The following DPF3 variants were observed in gnomAD, a reference collection of about 807,000 sequenced individuals.
The protein encoded by DPF3 is double PHD fingers 3, also known as zinc finger protein DPF3.
In DPF3, 18 loss-of-function variants were observed where a neutral mutation model predicts 56.8. The observed-to-expected ratio is 0.32, with a 90% CI of 0.22 to 0.47. The LOEUF is 0.47. DPF3 is among the 20% of genes least tolerant of loss of function. The pLI is 1.00. For synonymous variants in DPF3, 188 were observed against 180.2 expected, an observed-to-expected ratio of 1.04 and a Z score of -0.35; for missense variants, 403 against 488.8, an observed-to-expected ratio of 0.82 and a Z score of 1.65.
At chr14:72,790,190 C>T (rs1413343643) in intron 1 of DPF3, among the ~76,000 whole-genome samples, 1 of 152,026 alleles carries the variant, frequency 6.6e-6, no homozygotes, top group African/African-American at 2.4e-5. Context: ...AACTCGAGAC[C>T]AGCCTGGTCA....
rs369816936 is a variant in DPF3, at chr14:72,714,495, C to T, written c.532G>A (p.Gly178Ser). 1.1e-5 allele frequency: 18 copies of T among 1,613,624 alleles called. No individual in the cohort carries two copies. The highest frequency in any genetic ancestry group is 5.5e-5 in the South Asian group (5 of 91,076). Residue 178 changes from glycine (G) to serine (S), a missense_variant, in exon 6 of 11, where the codon GGC becomes AGC. This residue lies in a region of DPF3 where 340 missense variants were observed against 374.3 expected (regional missense o/e 0.91). Transcript: ENST00000556509. ...RKNRTRGRAR[G>S]SAGGRRRHDA... ...TGCCTCCTCCTGCCCCCTGCAGAGC[C>T]GCGAGCCTGGGGAGACATTGGGGTA... is the stretch of plus-strand genomic sequence containing the variant.
At chr14:72,637,163 G>A (rs535321554) in intron 8 of DPF3, among the ~76,000 whole-genome samples, 25 of 152,286 alleles carry the variant, frequency 1.6e-4, no homozygotes, top group Admixed American at 5.9e-4. Flanking sequence ...GGCTCATGGC[G>A]CCATTCTCAA....
chr14:72,856,453 G>A (rs1885172830), intron 1 of DPF3, among the ~76,000 whole-genome samples: 1 of 152,094 alleles, frequency 6.6e-6, no homozygotes, highest in Non-Finnish European at 1.5e-5. Flanking sequence ...TGGGGTGCTG[G>A]TACTTCTGGA....
chr14:72,616,488 T>C lies in DPF3; in HGVS notation c.*2809A>G, dbSNP rs1439777352. ...ACAAGGGAGATTTGAAGAAGACGTC[T>C]AACATTGGCTAATGCACACAAGAAG... On this transcript the variant is annotated 3_prime_UTR_variant, in exon 11 of 11. Coordinates refer to ENST00000556509, the MANE Select transcript of DPF3 (RefSeq NM_001280542.3). 1.3e-5 allele frequency among the ~76,000 whole-genome samples: 2 copies of C among 152,160 alleles called. No individual in the cohort carries two copies. Among genetic ancestry groups the C allele is most frequent in the Non-Finnish European group, 2.9e-5 (2 of 68,030 alleles).
At chr14:72,734,183 T>A (rs1889792618) in intron 3 of DPF3, among the ~76,000 whole-genome samples, 1 of 152,194 alleles carries the variant, frequency 6.6e-6, no homozygotes, top group South Asian at 2.1e-4. Flanking sequence ...AGATAGTAAA[T>A]GCAAAATACA....
chr14:72,884,197 T>C (rs771329048), intron 1 of DPF3, among the ~76,000 whole-genome samples: 8 of 152,156 alleles, frequency 5.3e-5, no homozygotes, highest in South Asian at 2.1e-4. Context: ...TGACCGGAAA[T>C]GAAATGAGGG....
chr14:72,728,415 C>A (rs1273575226), intron 4 of DPF3, among the ~76,000 whole-genome samples: 2 of 151,950 alleles, frequency 1.3e-5, no homozygotes, highest in Non-Finnish European at 2.9e-5. Flanking sequence ...GGACCAATGG[C>A]ATGGAGGGAA....
chr14:72,736,656 G>A (rs1323811365), intron 3 of DPF3, among the ~76,000 whole-genome samples: 2 of 152,046 alleles, frequency 1.3e-5, no homozygotes, highest in African/African-American at 2.4e-5. Context: ...AAAGGTAACA[G>A]GTCCAAGCCC....
At chr14:72,641,324 T>C (rs1233590234) in intron 8 of DPF3, among the ~76,000 whole-genome samples, 1 of 152,218 alleles carries the variant, frequency 6.6e-6, no homozygotes, top group East Asian at 1.9e-4. Context: ...TGCACAATGA[T>C]CTCAGGAACA....
At chr14:72,651,030 G>A (rs1885893056) in intron 8 of DPF3, among the ~76,000 whole-genome samples, 2 of 152,206 alleles carry the variant, frequency 1.3e-5, no homozygotes, top group Non-Finnish European at 2.9e-5. Flanking sequence ...GTGAATCTTG[G>A]AGACCACCAA....
intron 1 of DPF3, among the ~76,000 whole-genome samples, chr14:72,824,933 G>A (rs1371910461): frequency 6.6e-6 from 1 of 151,884 alleles, no homozygotes; most frequent in African/African-American, 2.4e-5. Context: ...TGTTGCCCAG[G>A]TTGGAGTGCA....
chr14:72,731,680 A>C, intron 4 of DPF3, 127 bp downstream of exon 4: 1 of 1,333,962 alleles, frequency 7.5e-7, no homozygotes, highest in South Asian at 1.5e-5. Flanking sequence ...CCACCATAGA[A>C]ACAAGGCAGT....
intron 1 of DPF3, among the ~76,000 whole-genome samples, chr14:72,791,725 C>T (rs146874157): frequency 2.1e-3 from 319 of 152,274 alleles, no homozygotes; most frequent in Middle Eastern, 3.4e-3. Context: ...TGTTAAAAGA[C>T]GAGAAAAACA....
intron 1 of DPF3, among the ~76,000 whole-genome samples, chr14:72,888,859 T>A (rs1886647420): frequency 6.6e-6 from 1 of 152,240 alleles, no homozygotes; most frequent in African/African-American, 2.4e-5. Flanking sequence ...GTTGGGATAA[T>A]AAACAGGCCT....
rs750105629 is a variant in DPF3 at position 72,773,899 on chromosome 14, T to G, written c.33-2006A>C. ...GCATATACCACATTTTGCTTATCCA[T>G]TCATCTGTCAGTGGATATCTGGGTT... On this transcript the variant is annotated intron_variant, in intron 1 of 10. Coordinates refer to ENST00000556509, the MANE Select transcript of DPF3 (RefSeq NM_001280542.3). 4 of 455,688 alleles carry G rather than the reference T, an allele frequency of 8.8e-6. 1 individual carries two copies. Among genetic ancestry groups the G allele is most frequent in the South Asian group, 6.2e-5 (4 of 64,494 alleles). 28.2% of individuals were successfully genotyped at this position (455,688 alleles called of 1,614,324 possible). A position where few individuals can be genotyped will look rare whatever the true frequency, so the allele number is the denominator to read the frequency against.
At chr14:72,681,567 T>C (rs1887167158) in intron 7 of DPF3, among the ~76,000 whole-genome samples, 1 of 152,210 alleles carries the variant, frequency 6.6e-6, no homozygotes, top group African/African-American at 2.4e-5. Flanking sequence ...AAATGTGGCG[T>C]CAACCCTCCA....
intron 7 of DPF3, among the ~76,000 whole-genome samples, chr14:72,691,420 C>T (rs1176212091): frequency 6.6e-6 from 1 of 152,142 alleles, no homozygotes; most frequent in Non-Finnish European, 1.5e-5. Flanking sequence ...TCCAATCTGA[C>T]AGGTGTCCTT....
intron 8 of DPF3, among the ~76,000 whole-genome samples, chr14:72,673,263 G>C (rs1317059846): frequency 6.6e-6 from 1 of 152,188 alleles, no homozygotes; most frequent in African/African-American, 2.4e-5. Context: ...CTTCTCTGGG[G>C]ACTGGGAGTG....
intron 6 of DPF3, among the ~76,000 whole-genome samples, chr14:72,698,546 G>A (rs762560660): frequency 2.6e-5 from 4 of 152,186 alleles, no homozygotes; most frequent in Admixed American, 6.5e-5. Context: ...AATTAGCCAC[G>A]TGTGGTGGTG....
Sources: allele counts gnomAD v4.1 joint callset (sites outside exome capture counted in the v4.1 genomes callset), GRCh38; gene constraint gnomAD v4.1.1; regional missense constraint gnomAD v4.1.1; transcripts MANE v1.5; gene names NCBI Gene and HGNC (gene_info 2026-07-23, HGNC 2026-07-21).